Variants in HOMEZ observed in about 807,000 individuals in gnomAD.
HOMEZ encodes the protein homeobox and leucine zipper encoding.
In HOMEZ, 20 loss-of-function variants were observed where a neutral mutation model predicts 50.1. That is an observed-to-expected ratio of 0.40 (90% CI 0.28 to 0.58). The LOEUF is 0.58. HOMEZ is among the 20% of genes least tolerant of loss of function. The probability of loss-of-function intolerance (pLI) is 0.46; values close to 1 mark genes in which losing one functional copy is unlikely to be tolerated. For synonymous variants in HOMEZ, 239 were observed against 254.7 expected, an observed-to-expected ratio of 0.94 and a Z score of 0.59; for missense variants, 579 against 680.5, an observed-to-expected ratio of 0.85 and a Z score of 1.66.
In HOMEZ at chr14:23,272,712, C is replaced by G; in HGVS notation, c.*2863G>C. On this transcript the variant is annotated 3_prime_UTR_variant, in exon 2 of 2. Transcript: ENST00000357460. ...TGCAATGAAGAAAACTATGGGGAAG[C>G]AAAAGCAGTGGTGTCTGTCTCGATA... is the stretch of plus-strand genomic sequence containing the variant. 1 of 726,734 alleles carries G rather than the reference C, an allele frequency of 1.4e-6. No individual in the cohort carries two copies. Among genetic ancestry groups the G allele is most frequent in the South Asian group, 1.5e-5 (1 of 65,358 alleles). The allele number at this position is 726,734 out of a possible 1,614,324, so 45.0% of individuals were successfully genotyped here.
At chr14:23,282,744 T>C (rs1000078309) in intron 1 of HOMEZ, among the ~76,000 whole-genome samples, 2 of 152,224 alleles carry the variant, frequency 1.3e-5, no homozygotes, top group East Asian at 1.9e-4. Flanking sequence ...CATTTTACTT[T>C]CGTTTAGGTG....
Position 23,275,846 on chromosome 14 carries a change from G to A in HOMEZ, c.1382C>T (p.Pro461Leu), listed in dbSNP as rs760675340. 4.4e-6 allele frequency: 7 copies of A among 1,598,942 alleles called. No homozygotes were observed. The highest frequency in any genetic ancestry group is 4.0e-5 in the African/African-American group (3 of 74,812). The part of the protein sequence containing the change: ...TPPLPIPPPP[P>L]DIQPLERYWA... ...GTACCTCTCCAAGGGTTGTATATCC[G>A]GTGGGGGTGGAGGGATCGGCAGAGG... The change falls in exon 2 of 2, where the codon CCG becomes CTG. Residue 461 changes from proline to leucine, a missense_variant. Transcript: ENST00000357460.
chr14:23,285,856 G>A (rs984018600), intron 1 of HOMEZ, 57 bp downstream of exon 1: 3 of 1,008,408 alleles, frequency 3.0e-6, no homozygotes, highest in Non-Finnish European at 3.9e-6. Flanking sequence ...GGGCTCCAGA[G>A]GTGGGAGACC....
At position 23,275,961 on chromosome 14, in the gene HOMEZ, C is replaced by T. The variant is rs749539274; in HGVS notation, c.1267G>A (p.Ala423Thr). Residue 423 changes from alanine to threonine, a missense_variant, in exon 2 of 2, where the codon GCA becomes ACA. Transcript: ENST00000357460. ...TGGAAACTAGGGGCACCAGGTACTG[C>T]GTTGTCCCGAAACCACTTTAGTTGC... The part of the protein sequence containing the change: ...HGQLKWFRDN[A>T]VPGAPSFQDP... 1.9e-6 allele frequency: 3 copies of T among 1,612,340 alleles called. No individual in the cohort carries two copies. The highest frequency in any genetic ancestry group is 1.7e-5 in the Admixed American group (1 of 59,754).
rs534754744 is a variant in HOMEZ, at chr14:23,275,845, C to T, written c.1383G>A (p.Pro461=). The change falls in exon 2 of 2, where the codon CCG becomes CCA. Residue 461 remains proline, a synonymous_variant. Coordinates refer to ENST00000357460, the MANE Select transcript of HOMEZ (RefSeq NM_020834.3). ...TPPLPIPPPP[P]DIQPLERYWA... ...AGTACCTCTCCAAGGGTTGTATATC[C>T]GGTGGGGGTGGAGGGATCGGCAGAG... The T allele has an allele frequency of 1.3e-5, 21 of 1,598,772 alleles. No homozygotes were observed. The highest frequency in any genetic ancestry group is 4.5e-5 in the East Asian group (2 of 44,738).
rs562994630 is a variant in HOMEZ, at chr14:23,276,368, G to C, written c.860C>G (p.Ser287Cys). ...SASSVTPSSS[S>C]TSSSFQVLAN... is the part of the protein sequence containing the mutation. ...CAGTACCTGGAAAGAAGAAGAGGTA[G>C]AGGAAGAAGAGGGAGTAACACTAGA... The change falls in exon 2 of 2, where the codon TCT becomes TGT. Residue 287 changes from serine to cysteine, a missense_variant. Coordinates refer to ENST00000357460, the MANE Select transcript of HOMEZ (RefSeq NM_020834.3). This position sits in a 1 kb window ranked among gnomAD's most constrained non-coding sequence, Gnocchi z 4.1. 2.4e-5 allele frequency: 38 copies of C among 1,614,012 alleles called. No homozygotes were observed. The Admixed American group carries it at 6.2e-4, about 26-fold the overall frequency.
chr14:23,274,899 C>T lies in HOMEZ; in HGVS notation c.*676G>A, dbSNP rs1886305171. ...ACAGCCTGGGCGACAGAGCAAGACT[C>T]CACCTCAAAAAAAAAAAAAAGAACT... On this transcript the variant is annotated 3_prime_UTR_variant, in exon 2 of 2. Transcript: ENST00000357460. The T allele has an allele frequency of 1.3e-5, 2 of 150,982 alleles. No homozygotes were observed. Among genetic ancestry groups the T allele is most frequent in the Admixed American group, 6.6e-5 (1 of 15,174 alleles). 9.4% of individuals were successfully genotyped at this position (150,982 alleles called of 1,614,324 possible). A position where few individuals can be genotyped will look rare whatever the true frequency, so the allele number is the denominator to read the frequency against.
At chr14:23,284,256 A>T (rs975468370) in intron 1 of HOMEZ, among the ~76,000 whole-genome samples, 41 of 152,246 alleles carry the variant, frequency 2.7e-4, no homozygotes, top group African/African-American at 9.6e-4. Context: ...CTTAAAGATG[A>T]ACAGTTTGAT....
intron 1 of HOMEZ, among the ~76,000 whole-genome samples, chr14:23,280,726 T>TTTTA (rs1566451098): frequency 1.6e-4 from 11 of 68,706 alleles, no homozygotes; most frequent in African/African-American, 6.1e-4. Context: ...TTTTATTTTA[T>TTTTA]TTTATTTTAT....
chr14:23,285,700 C>A, intron 1 of HOMEZ: 2 of 398,898 alleles, frequency 5.0e-6, no homozygotes, highest in Non-Finnish European at 8.8e-6. Flanking sequence ...CAAGGGCGCC[C>A]CAACCCAACC....
At position 23,273,600 on chromosome 14, in the gene HOMEZ, T is replaced by C. The variant is rs1031180730; in HGVS notation, c.*1975A>G. 1 of 152,202 alleles carries C rather than the reference T, an allele frequency of 6.6e-6. No homozygotes were observed. Among genetic ancestry groups the C allele is most frequent in the African/African-American group, 2.4e-5 (1 of 41,438 alleles). The allele number at this position is 152,202 out of a possible 1,614,324, so 9.4% of individuals were successfully genotyped here. ...ATGACGAATTAAATAGGTTAGCCAC[T>C]CACAAGCTGGCCTTAAGCAAAAATA... On this transcript the variant is annotated 3_prime_UTR_variant, in exon 2 of 2. Transcript: ENST00000357460.
intron 1 of HOMEZ, among the ~76,000 whole-genome samples, chr14:23,280,758 ATTTT>A (rs1886526755): frequency 1.4e-5 from 1 of 72,796 alleles, no homozygotes; most frequent in South Asian, 5.1e-4. Flanking sequence ...ATTTTATTTT[ATTTT>A]ATTTTATTTT....
In HOMEZ at chr14:23,276,398, G is replaced by A. The variant is rs73602454; in HGVS notation, c.830C>T (p.Ser277Leu). 3.7e-5 allele frequency: 59 copies of A among 1,613,988 alleles called. No individual in the cohort carries two copies. The African/African-American group carries it at 7.1e-4, about 19-fold the overall frequency. The stretch of plus-strand genomic sequence containing the variant: ...AGAAGAGGGAGTAACACTAGATGCT[G>A]ACTCCTCCTTACAACTACTGGCAAT... ...ALIASSCKEE[S>L]ASSVTPSSSS... Residue 277 changes from serine (S) to leucine (L), a missense_variant, in exon 2 of 2, where the codon TCA becomes TTA. Ser to Leu is a moderately radical substitution (Grantham distance 145). Coordinates refer to ENST00000357460, the MANE Select transcript of HOMEZ (RefSeq NM_020834.3). The surrounding 1 kb of genome is among the most constrained non-coding windows in gnomAD (Gnocchi z 4.1).
In HOMEZ at chr14:23,275,272, A is replaced by G. The variant is rs1886315693; in HGVS notation, c.*303T>C. 5.3e-6 allele frequency: 2 copies of G among 379,318 alleles called. No individual in the cohort carries two copies. The highest frequency in any genetic ancestry group is 9.4e-6 in the Non-Finnish European group (2 of 211,776). The allele number at this position is 379,318 out of a possible 1,614,324, so 23.5% of individuals were successfully genotyped here. A position where few individuals can be genotyped will look rare whatever the true frequency, so the allele number is the denominator to read the frequency against. ...TCTGTATAGTACACCAAGGGAAAAA[A>G]ACAGCAGACACGAGGAGAGCAAGAG... On this transcript the variant is annotated 3_prime_UTR_variant, in exon 2 of 2. Coordinates refer to ENST00000357460, the MANE Select transcript of HOMEZ (RefSeq NM_020834.3).
At position 23,275,770 on chromosome 14, in the gene HOMEZ, C is replaced by T. The variant is rs1886336216; in HGVS notation, c.1458G>A (p.Gln486=). ...CCTGCTGGGTGCTAAGCCTTGATGC[C>T]TGACTCAATTGAGGGATATCAGTTT... ...LRETDIPQLS[Q]ASRLSTQQVL... is the part of the protein sequence containing the mutation. The change falls in exon 2 of 2, where the codon CAG becomes CAA. Residue 486 remains glutamine (Q), a synonymous_variant. Transcript: ENST00000357460. 1 of 1,613,668 alleles carries T rather than the reference C, an allele frequency of 6.2e-7. No homozygotes were observed. Among genetic ancestry groups the T allele is most frequent in the Non-Finnish European group, 8.5e-7 (1 of 1,179,734 alleles).
At chr14:23,283,314 A>T (rs1594966586) in intron 1 of HOMEZ, among the ~76,000 whole-genome samples, 1 of 151,782 alleles carries the variant, frequency 6.6e-6, no homozygotes, top group Admixed American at 6.6e-5. Flanking sequence ...AGGCAGGAGG[A>T]TCACTTGAGC....
intron 1 of HOMEZ, among the ~76,000 whole-genome samples, chr14:23,278,730 G>C (rs8022680): frequency 0.74 from 112,825 of 151,542 alleles, 42,742 homozygotes; most frequent in African/African-American, 0.89. Flanking sequence ...GACTGGAGTA[G>C]AGTGGCATGA....
In HOMEZ at chr14:23,273,166, C is replaced by CA; in HGVS notation, c.*2408dup. 1 of 271,898 alleles carries CA rather than the reference C, an allele frequency of 3.7e-6. No individual in the cohort carries two copies. The highest frequency in any genetic ancestry group is 6.9e-6 in the Non-Finnish European group (1 of 143,926). 16.8% of individuals were successfully genotyped at this position (271,898 alleles called of 1,614,324 possible). On this transcript the variant is annotated 3_prime_UTR_variant, in exon 2 of 2. Transcript: ENST00000357460. ...ATTTCCTACAATTTGGAACAAAGGTCAAAAAAATAATTCTTGGCATCATGC... is the reference window on the plus strand; with the variant it reads ...ATTTCCTACAATTTGGAACAAAGGTCAAAAAAAATAATTCTTGGCATCATGC...
chr14:23,277,003 G>A lies in HOMEZ; in HGVS notation c.225C>T (p.Ser75=), dbSNP rs1435838773. Residue 75 remains serine, a synonymous_variant, in exon 2 of 2, where the codon AGC becomes AGT. Coordinates refer to ENST00000357460, the MANE Select transcript of HOMEZ (RefSeq NM_020834.3). ...CTGCTAGGCTGGGATAGGGAAAGTAGCTGAAGGTTTTGAGCAGGTGTTCAT... is the reference window on the plus strand; with the variant it reads ...CTGCTAGGCTGGGATAGGGAAAGTAACTGAAGGTTTTGAGCAGGTGTTCAT... ...DSNEHLLKTF[S]YFPYPSLADI... 6.2e-7 allele frequency: 1 copy of A among 1,614,070 alleles called. No homozygotes were observed. The highest frequency in any genetic ancestry group is 1.7e-5 in the Admixed American group (1 of 60,028).
Sources: gnomAD v4.1 joint callset for allele counts (sites outside exome capture counted in the v4.1 genomes callset) on GRCh38, gnomAD v4.1.1 for gene constraint, Gnocchi (gnomAD v3.1) non-coding constraint, MANE v1.5 for transcripts, NCBI Gene and HGNC (gene_info 2026-07-23, HGNC 2026-07-21) for gene names.